SENP5: variants seen among roughly 807,000 people sequenced by gnomAD.
The protein encoded by SENP5 is sentrin-specific protease 5.
Under a neutral mutation model 74.2 loss-of-function variants are expected in SENP5, and 21 were observed. That is an observed-to-expected ratio of 0.28 (90% CI 0.20 to 0.41). SENP5 has a LOEUF of 0.41. Ranked by LOEUF, SENP5 falls within the 10% of genes least tolerant of loss-of-function variation. SENP5 has a pLI of 1.00. For missense variants in SENP5, 717 were observed against 889.1 expected (o/e 0.81, Z 2.46); for synonymous variants, 311 against 312.7 (o/e 0.99, Z 0.06).
At position 196,927,876 on chromosome 3, in the gene SENP5, G is replaced by GAAGGTAAGTATGTGATAAC; in HGVS notation, c.2106_2106+18dup. On this transcript the variant is annotated stop_gained and frameshift_variant, in exon 8 of 10. Coordinates refer to ENST00000323460, the MANE Select transcript of SENP5 (RefSeq NM_152699.5). LOFTEE classifies it high-confidence loss of function. The stretch of plus-strand genomic sequence containing the variant: ...TTCAGGGTTGGCAGACTGCTGTTAC[G>GAAGGTAAGTATGTGATAAC]AAGGTAAGTATGTGATAACAATGAA... 1 of 1,602,216 alleles carries GAAGGTAAGTATGTGATAAC rather than the reference G, an allele frequency of 6.2e-7. No homozygotes were observed. Among genetic ancestry groups the GAAGGTAAGTATGTGATAAC allele is most frequent in the South Asian group, 1.1e-5 (1 of 90,802 alleles).
At chr3:196,887,755 C>T (rs1714035124) in intron 2 of SENP5, among the ~76,000 whole-genome samples, 3 of 151,870 alleles carry the variant, frequency 2.0e-5, no homozygotes, top group Admixed American at 2.0e-4. Context: ...CATAGTAAAA[C>T]TTATCTGTCT....
intron 7 of SENP5, among the ~76,000 whole-genome samples, chr3:196,924,152 G>C (rs918297675): frequency 6.6e-6 from 1 of 152,170 alleles, no homozygotes; most frequent in Non-Finnish European, 1.5e-5. Flanking sequence ...GTACAAAACT[G>C]TAAAAGTATT....
chr3:196,910,335 C>CTTTTTT lies in SENP5; in HGVS notation c.1884+6749_1884+6754dup, dbSNP rs869108574. 2.1e-4 allele frequency among the ~76,000 whole-genome samples: 11 copies of CTTTTTT among 51,338 alleles called. 1 individual carries two copies. The highest frequency in any genetic ancestry group is 3.5e-4 in the Non-Finnish European group (11 of 31,420). 33.7% of individuals were successfully genotyped at this position (51,338 alleles called of 152,430 possible). A position where few individuals can be genotyped will look rare whatever the true frequency, so the allele number is the denominator to read the frequency against. The stretch of plus-strand genomic sequence containing the variant: ...AAATGGCCATACTGCCCAAAGTAAT[C>CTTTTTT]TTTTTTTTTTTTTTTTTTTTTTTTT... On this transcript the variant is annotated intron_variant, in intron 6 of 9. Transcript: ENST00000323460.
At chr3:196,903,908 G>A (rs1714800038) in intron 6 of SENP5, among the ~76,000 whole-genome samples, 1 of 152,194 alleles carries the variant, frequency 6.6e-6, no homozygotes, top group South Asian at 2.1e-4. Flanking sequence ...TGCTGGTGCT[G>A]GGCACGGTGC....
At chr3:196,884,893 G>A (rs1362896208) in intron 1 of SENP5, among the ~76,000 whole-genome samples, 3 of 152,030 alleles carry the variant, frequency 2.0e-5, no homozygotes, top group South Asian at 2.1e-4. Flanking sequence ...GCGCCTGGTC[G>A]AAAATGATTC....
intron 6 of SENP5, chr3:196,914,586 A>AATATATATATATAT (rs55692471): frequency 7.2e-4 from 24 of 33,470 alleles, no homozygotes; most frequent in Non-Finnish European, 1.0e-3. Flanking sequence ...AAAAAAAAAA[A>AATATATATATATAT]ATATATATAT....
At chr3:196,899,536 A>G (rs1292082139) in intron 2 of SENP5, 130 bp from the exon 3 acceptor site, 8 of 531,740 alleles carry the variant, frequency 1.5e-5, no homozygotes, top group Non-Finnish European at 2.7e-5. Context: ...TATAGTATCA[A>G]TATTATATAG....
chr3:196,876,317 A>G (rs186407261), intron 1 of SENP5, among the ~76,000 whole-genome samples: 237 of 152,148 alleles, frequency 1.6e-3, no homozygotes, highest in Non-Finnish European at 3.0e-3. Flanking sequence ...AGGTCAAGAG[A>G]TCGAGACTAT....
chr3:196,928,821 A>G (rs556505230), intron 8 of SENP5, among the ~76,000 whole-genome samples: 2 of 152,328 alleles, frequency 1.3e-5, no homozygotes, highest in South Asian at 4.1e-4. Context: ...CAACTAAAAA[A>G]TCTGGGTATT....
chr3:196,907,722 C>G (rs576021736), intron 6 of SENP5, among the ~76,000 whole-genome samples: 1 of 151,988 alleles, frequency 6.6e-6, no homozygotes, highest in African/African-American at 2.4e-5. Flanking sequence ...TAAAATACAC[C>G]AACACTAACA....
chr3:196,873,684 C>T (rs1201040346), intron 1 of SENP5, among the ~76,000 whole-genome samples: 2 of 151,404 alleles, frequency 1.3e-5, no homozygotes, highest in Admixed American at 6.6e-5. Context: ...ACTAAAAATA[C>T]AAAAAATTAG....
rs1378918451 is a variant in SENP5, at chr3:196,885,572, T to C, written c.391T>C (p.Cys131Arg). 6.2e-7 allele frequency: 1 copy of C among 1,614,192 alleles called. No homozygotes were observed. Residue 131 changes from cysteine to arginine, a missense_variant, in exon 2 of 10, where the codon TGC becomes CGC. Transcript: ENST00000323460. ...AGCAAAGAATTCTGACCATGAATACTGCAGAGAGAAAAATCTCTTGAAGGC... is the reference window on the plus strand; with the variant it reads ...AGCAAAGAATTCTGACCATGAATACCGCAGAGAGAAAAATCTCTTGAAGGC... ...SSAKNSDHEY[C>R]REKNLLKAVT...
At chr3:196,907,982 T>G (rs1437652181) in intron 6 of SENP5, among the ~76,000 whole-genome samples, 1 of 152,058 alleles carries the variant, frequency 6.6e-6, no homozygotes, top group East Asian at 1.9e-4. Flanking sequence ...AAGTGACATT[T>G]AAAGAGGCTG....
chr3:196,919,908 ACTT>A (rs1715541435), intron 6 of SENP5, among the ~76,000 whole-genome samples: 1 of 150,866 alleles, frequency 6.6e-6, no homozygotes, highest in African/African-American at 2.4e-5. Flanking sequence ...GTGTAGGTCT[ACTT>A]CTGGATTTTC....
At chr3:196,870,668 C>T (rs903621904) in intron 1 of SENP5, among the ~76,000 whole-genome samples, 5 of 152,102 alleles carry the variant, frequency 3.3e-5, no homozygotes, top group African/African-American at 9.6e-5. Context: ...CAAGCGCCCA[C>T]CACCACGCCC....
rs544680270 is a variant in SENP5, at chr3:196,907,538, C to T, written c.1884+3928C>T. Among the ~76,000 whole-genome samples, 222 of 151,052 alleles carry T rather than the reference C, an allele frequency of 1.5e-3. 1 individual carries two copies. Among genetic ancestry groups the T allele is most frequent in the Non-Finnish European group, 2.5e-3 (168 of 67,878 alleles). On this transcript the variant is annotated intron_variant, in intron 6 of 9. Transcript: ENST00000323460. ...ACAAGCAGTGTGGGCAAAAAATATA[C>T]ATTCATGGAAAAGTATCTGAATGAT... is the stretch of plus-strand genomic sequence containing the variant.
chr3:196,929,529 A>C, intron 8 of SENP5, 104 bp from the exon 9 acceptor site: 1 of 679,170 alleles, frequency 1.5e-6, no homozygotes, highest in African/African-American at 1.8e-5. Context: ...TCCTGGAGAG[A>C]GAAAAGTTTC....
chr3:196,923,151 C>G (rs1016782906), intron 6 of SENP5, among the ~76,000 whole-genome samples: 7 of 152,216 alleles, frequency 4.6e-5, no homozygotes, highest in African/African-American at 1.4e-4. Flanking sequence ...GGAGCCAAGT[C>G]TTCAGGCACT....
chr3:196,895,665 G>T (rs556758037), intron 2 of SENP5, among the ~76,000 whole-genome samples: 1 of 152,198 alleles, frequency 6.6e-6, no homozygotes, highest in Non-Finnish European at 1.5e-5. Flanking sequence ...GGGACTACAG[G>T]CATGTGCCAA....
Sources: gnomAD v4.1 joint callset for allele counts (sites outside exome capture counted in the v4.1 genomes callset) on GRCh38, gnomAD v4.1.1 for gene constraint, MANE v1.5 for transcripts, NCBI Gene and HGNC (gene_info 2026-07-23, HGNC 2026-07-21) for gene names.